Variants in IGLL5 observed in about 807,000 individuals in gnomAD.
The protein encoded by IGLL5 is immunoglobulin lambda-like polypeptide 5.
In IGLL5, 30 loss-of-function variants were observed where a neutral mutation model predicts 20.9. The ratio of observed to expected loss-of-function variants is 1.44; its 90% CI spans 1.07 to 1.95. The LOEUF is 1.95. IGLL5 is among the 30% of genes most tolerant of loss of function. The probability of loss-of-function intolerance (pLI) is 0.00; values close to 1 mark genes in which losing one functional copy is unlikely to be tolerated. For missense variants in IGLL5, 475 were observed against 270.7 expected (o/e 1.75, Z -5.30); for synonymous variants, 203 against 117.3 (o/e 1.73, Z -4.72).
chr22:22,888,287 TG>T lies in IGLL5; in HGVS notation c.206+33del, dbSNP rs961619109. ...AAGGGGCAAGAGATTCCAGGGGATG[TG>T]GGGGTCCTGCAGCAGAGCTGGGAAA... On this transcript the variant is annotated intron_variant, in intron 1 of 2. Coordinates refer to ENST00000526893, the MANE Select transcript of IGLL5 (RefSeq NM_001178126.2). 4.5e-6 allele frequency: 7 copies of T among 1,541,190 alleles called. No individual in the cohort carries two copies. In the South Asian group the frequency reaches 4.8e-5, roughly 11 times the overall value.
chr22:22,889,823 C>G (rs2067756171), intron 1 of IGLL5, among the ~76,000 whole-genome samples: 1 of 151,406 alleles, frequency 6.6e-6, no homozygotes, highest in Admixed American at 6.6e-5. Context: ...TCTCAAATTC[C>G]TAAGCTCAAG....
intron 1 of IGLL5, among the ~76,000 whole-genome samples, chr22:22,888,543 T>C (rs550908412): frequency 2.0e-5 from 3 of 151,404 alleles, no homozygotes; most frequent in East Asian, 2.0e-4. Flanking sequence ...GTCCTAGTCC[T>C]CTGGGTAGGG....
At chr22:22,889,240 A>G (rs2067699783) in intron 1 of IGLL5, among the ~76,000 whole-genome samples, 1 of 151,196 alleles carries the variant, frequency 6.6e-6, no homozygotes, top group Non-Finnish European at 1.5e-5. Context: ...GAGGACACTC[A>G]GATTCAGAGC....
chr22:22,889,746 C>T (rs2067749346), intron 1 of IGLL5, among the ~76,000 whole-genome samples: 1 of 151,292 alleles, frequency 6.6e-6, no homozygotes, highest in African/African-American at 2.4e-5. Flanking sequence ...GGCCACTACA[C>T]CTGGCTAATT....
chr22:22,893,768 C>T lies in IGLL5; in HGVS notation c.275C>T (p.Pro92Leu), dbSNP rs2067923069. Residue 92 changes from proline (P) to leucine (L), a missense_variant, in exon 2 of 3, where the codon CCT (proline) becomes CTT (leucine). Physicochemically the swap from Pro to Leu is moderately conservative, Grantham distance 98 (BLOSUM62 -3). Coordinates refer to ENST00000526893, the MANE Select transcript of IGLL5 (RefSeq NM_001178126.2). ...RCWPRGFWSE[P>L]QSLCYVFGTG... is the part of the protein sequence containing the mutation. Reference sequence around the variant, plus strand: ...TGGCCCCGGGGGTTTTGGTCTGAGCCTCAGTCACTGTGTTATGTCTTCGGA... The same window carrying T: ...TGGCCCCGGGGGTTTTGGTCTGAGCTTCAGTCACTGTGTTATGTCTTCGGA... 1 of 1,606,884 alleles carries T rather than the reference C, an allele frequency of 6.2e-7. No individual in the cohort carries two copies. Among genetic ancestry groups the T allele is most frequent in the African/African-American group, 1.4e-5 (1 of 74,028 alleles).
chr22:22,895,424 G>A lies in IGLL5; in HGVS notation c.375G>A (p.Glu125=), dbSNP rs1245005681. 6.2e-7 allele frequency: 1 copy of A among 1,612,984 alleles called. No individual in the cohort carries two copies. The highest frequency in any genetic ancestry group is 2.2e-5 in the East Asian group (1 of 44,684). ...TCACTCTGTTCCCGCCCTCCTCTGA[G>A]GAGCTCCAAGCCAACAAGGCCACAC... The part of the protein sequence containing the change: ...PTVTLFPPSS[E]ELQANKATLV... The change falls in exon 3 of 3, where the codon GAG becomes GAA. Residue 125 remains glutamate (E), a synonymous_variant. Transcript: ENST00000526893.
intron 2 of IGLL5, among the ~76,000 whole-genome samples, chr22:22,894,908 T>C (rs1187448202): frequency 1.3e-5 from 2 of 150,928 alleles, no homozygotes; most frequent in East Asian, 2.0e-4. Flanking sequence ...CAGGCTTGGG[T>C]CTCCCCACAC....
chr22:22,894,828 A>T (rs1267049866), intron 2 of IGLL5, among the ~76,000 whole-genome samples: 1 of 151,282 alleles, frequency 6.6e-6, no homozygotes, highest in Admixed American at 6.6e-5. Context: ...ACTCCTTGCC[A>T]GGAGAGCCAA....
intron 1 of IGLL5, among the ~76,000 whole-genome samples, chr22:22,888,608 C>T (rs555945454): frequency 6.6e-6 from 1 of 151,344 alleles, no homozygotes; most frequent in African/African-American, 2.4e-5. Flanking sequence ...ACTGTCCCCA[C>T]AGGGTGCCCA....
chr22:22,888,859 G>C (rs571618130), intron 1 of IGLL5, among the ~76,000 whole-genome samples: 3 of 151,430 alleles, frequency 2.0e-5, no homozygotes, highest in Middle Eastern at 3.7e-3. Context: ...GCAATAAAGG[G>C]AGAGGGGATC....
chr22:22,888,748 CAT>C, intron 1 of IGLL5, among the ~76,000 whole-genome samples: 1 of 151,400 alleles, frequency 6.6e-6, no homozygotes, highest in Non-Finnish European at 1.5e-5. Flanking sequence ...CCAACTTGCA[CAT>C]AAATGCTTAC....
At chr22:22,888,985 G>C (rs2067672947) in intron 1 of IGLL5, among the ~76,000 whole-genome samples, 1 of 151,410 alleles carries the variant, frequency 6.6e-6, no homozygotes, top group South Asian at 2.1e-4. Context: ...ATGAGGCTGG[G>C]AGCTCCTGGG....
intron 1 of IGLL5, among the ~76,000 whole-genome samples, chr22:22,892,225 G>A (rs529457589): frequency 9.3e-5 from 14 of 151,082 alleles, no homozygotes; most frequent in Non-Finnish European, 2.1e-4. Flanking sequence ...AACAAGTGTT[G>A]AATTTATATT....
Position 22,889,084 on chromosome 22 carries a change from T to G in IGLL5, c.206+825T>G, listed in dbSNP as rs180827507. On this transcript the variant is annotated intron_variant, in intron 1 of 2. Transcript: ENST00000526893. ...CCTTGGATGGATTTAGGTAGATTGA[T>G]TATCAGAGTCAGATTTGTGTTTTTG... Among the ~76,000 whole-genome samples the G allele has an allele frequency of 2.6e-5, 4 of 151,254 alleles. 1 individual carries two copies. The highest frequency in any genetic ancestry group is 4.2e-4 in the South Asian group (2 of 4,720).
intron 1 of IGLL5, among the ~76,000 whole-genome samples, chr22:22,890,241 C>T (rs1601611662): frequency 6.7e-6 from 1 of 148,932 alleles, no homozygotes; most frequent in South Asian, 2.2e-4. Context: ...TCACCTCTTC[C>T]CAGAGATAGC....
rs2066691173 is a variant in IGLL5, at chr22:22,894,740, G to A, written c.326-635G>A. On this transcript the variant is annotated intron_variant, in intron 2 of 2. Transcript: ENST00000526893. ...GCCCCAGGAACAGCTGAGGTGAAGG[G>A]TTCTGTGGTCGGGCTTGTGGAGACA... Among the ~76,000 whole-genome samples the A allele has an allele frequency of 2.0e-5, 3 of 151,400 alleles. 1 individual carries two copies. Among genetic ancestry groups the A allele is most frequent in the African/African-American group, 7.3e-5 (3 of 41,344 alleles).
chr22:22,891,073 A>G (rs1480659619), intron 1 of IGLL5, among the ~76,000 whole-genome samples: 1 of 151,162 alleles, frequency 6.6e-6, no homozygotes, highest in Non-Finnish European at 1.5e-5. Flanking sequence ...GGGGTCTCCC[A>G]CCATAAAACT....
At chr22:22,894,174 A>G (rs557178864) in intron 2 of IGLL5, among the ~76,000 whole-genome samples, 6 of 151,510 alleles carry the variant, frequency 4.0e-5, no homozygotes, top group South Asian at 4.2e-4. Context: ...GGTCAAGGAC[A>G]GAGGCTGCTG....
intron 1 of IGLL5, among the ~76,000 whole-genome samples, chr22:22,892,384 C>T (rs1264118881): frequency 6.6e-6 from 1 of 151,042 alleles, no homozygotes; most frequent in Admixed American, 6.6e-5. Flanking sequence ...GGAATAAAAT[C>T]AGATTTGGAA....
Sources: gnomAD v4.1 joint callset for allele counts (sites outside exome capture counted in the v4.1 genomes callset) on GRCh38, gnomAD v4.1.1 for gene constraint, MANE v1.5 for transcripts, NCBI Gene and HGNC (gene_info 2026-07-23, HGNC 2026-07-21) for gene names.